Variants in ZNF219 observed in about 807,000 individuals in gnomAD.
ZNF219 encodes zinc finger protein 219.
ZNF219 carries 17 observed loss-of-function variants against 54.4 expected under a neutral mutation model. That is an observed-to-expected ratio of 0.31 (90% CI 0.21 to 0.47). The LOEUF (loss-of-function observed/expected upper bound fraction) is 0.47, where lower values mean the gene tolerates loss of function less well. ZNF219 is among the 20% of genes least tolerant of loss of function. ZNF219 has a pLI of 1.00. For missense variants in ZNF219, 1,014 were observed against 1,062.3 expected (o/e 0.95, Z 0.63); for synonymous variants, 518 against 476.4 (o/e 1.09, Z -1.14).
Position 21,092,232 on chromosome 14 carries a change from C to T in ZNF219, c.1065G>A (p.Glu355=). The part of the protein sequence containing the change: ...QPPDLGLLAY[E]PLGPALLLAP... The stretch of plus-strand genomic sequence containing the variant: ...CCAAGAGGAGCGCTGGGCCCAACGG[C>T]TCATAGGCCAGCAGGCCGAGGTCAG... The change falls in exon 3 of 5, where the codon GAG becomes GAA. Residue 355 remains glutamate (E), a synonymous_variant. Transcript: ENST00000360947. 1 of 1,453,310 alleles carries T rather than the reference C, an allele frequency of 6.9e-7. No homozygotes were observed. Among genetic ancestry groups the T allele is most frequent in the Non-Finnish European group, 9.0e-7 (1 of 1,108,174 alleles). 90.0% of individuals were successfully genotyped at this position (1,453,310 alleles called of 1,614,324 possible).
chr14:21,103,919 G>A (rs1445434547), upstream of ZNF219: 4 of 152,414 alleles, frequency 2.6e-5, no homozygotes, highest in African/African-American at 9.6e-5. Flanking sequence ...CAGCTTCAGA[G>A]ACTGGCGAGG....
rs564789236 is a variant in ZNF219, at chr14:21,091,042, C to T, written c.1663G>A (p.Gly555Arg). ...LQRHHREQRSGAGPGPPPEPP... is the reference protein window; with the variant it reads ...LQRHHREQRSRAGPGPPPEPP... The stretch of plus-strand genomic sequence containing the variant: ...TCCGGGGGTGGCCCGGGGCCGGCCC[C>T]GCTCCTCTGCTCCCGGTGGTGGCGC... Residue 555 changes from glycine (G) to arginine (R), a missense_variant, in exon 5 of 5, where the codon GGG becomes AGG. Physicochemically the swap from Gly to Arg is moderately radical, Grantham distance 125 (BLOSUM62 -2). Transcript: ENST00000360947. 3 of 1,556,576 alleles carry T rather than the reference C, an allele frequency of 1.9e-6. No homozygotes were observed. The highest frequency in any genetic ancestry group is 1.4e-5 in the African/African-American group (1 of 73,894).
chr14:21,100,961 G>T, upstream of ZNF219: 1 of 170,674 alleles, frequency 5.9e-6, no homozygotes, highest in South Asian at 1.3e-4. Context: ...GGAACAGAGT[G>T]AGGTCGGGCT....
chr14:21,097,894 G>T (rs978471103), intron 1 of ZNF219, among the ~76,000 whole-genome samples: 1 of 146,446 alleles, frequency 6.8e-6, no homozygotes, highest in Admixed American at 6.9e-5. Context: ...TACCTGGGCC[G>T]GGGGTTGGGG....
rs887241069 is a variant in ZNF219, at chr14:21,091,995, C to T, written c.1302G>A (p.Glu434=). ...EEPEEEEEVV[E]AEEETWARGR... is the part of the protein sequence containing the mutation. ...CCCGGGCCCAGGTTTCCTCCTCGGC[C>T]TCCACCACCTCCTCTTCTTCCTCAG... is the stretch of plus-strand genomic sequence containing the variant. Residue 434 remains glutamate, a synonymous_variant, in exon 3 of 5, where the codon GAG becomes GAA. Transcript: ENST00000360947. 3.8e-6 allele frequency: 6 copies of T among 1,559,452 alleles called. No individual in the cohort carries two copies. The South Asian group carries it at 4.7e-5, about 12-fold the overall frequency.
At chr14:21,094,978 C>T (rs1217245910) in intron 1 of ZNF219, among the ~76,000 whole-genome samples, 1 of 146,018 alleles carries the variant, frequency 6.8e-6, no homozygotes, top group African/African-American at 2.5e-5. Flanking sequence ...ATAGGCATCA[C>T]AAAACTGAAA....
chr14:21,098,081 C>A lies in ZNF219; in HGVS notation c.-84+231G>T, dbSNP rs943544245. Among the ~76,000 whole-genome samples the A allele has an allele frequency of 2.1e-4, 31 of 148,272 alleles. No homozygotes were observed. The South Asian group carries it at 6.7e-3, about 32-fold the overall frequency. ...CCACCTGGCCCCCCCTCCCTTGGGG[C>A]CCCCCAGCTCTCCAGGCTTCCGAGG... On this transcript the variant is annotated intron_variant, in intron 1 of 4. Transcript: ENST00000360947.
Position 21,090,846 on chromosome 14 carries a change from C to T in ZNF219, c.1859G>A (p.Arg620Gln), listed in dbSNP as rs1263238673. ...GTCCAGGGGTTCGGCCTCACCGCCT[C>T]GCCCGTTGCGCAGGGTCCTCCCAGG... ...ASPGRTLRNGRGGEAEPLDLS... is the reference protein window; with the variant it reads ...ASPGRTLRNGQGGEAEPLDLS... Residue 620 changes from arginine (R) to glutamine (Q), a missense_variant, in exon 5 of 5, where the codon CGA becomes CAA. Coordinates refer to ENST00000360947, the MANE Select transcript of ZNF219 (RefSeq NM_016423.3). The surrounding 1 kb of genome is among the most constrained non-coding windows in gnomAD (Gnocchi z 4.4). 1 of 1,554,660 alleles carries T rather than the reference C, an allele frequency of 6.4e-7. No individual in the cohort carries two copies. The highest frequency in any genetic ancestry group is 2.4e-5 in the East Asian group (1 of 41,600).
Position 21,090,780 on chromosome 14 carries a change from C to T in ZNF219, c.1925G>A (p.Gly642Glu). ...RAGPGGEAGP[G>E]GALHRCLFCP... ...GAAGAGGCAGCGGTGGAGGGCACCC[C>T]CAGGCCCGGCCTCGCCTCCCGGCCC... Residue 642 changes from glycine to glutamate, a missense_variant, in exon 5 of 5, where the codon GGG (glycine) becomes GAG (glutamate). Transcript: ENST00000360947. The surrounding 1 kb of genome is among the most constrained non-coding windows in gnomAD (Gnocchi z 4.4). 2 of 1,593,980 alleles carry T rather than the reference C, an allele frequency of 1.3e-6. No homozygotes were observed. The highest frequency in any genetic ancestry group is 1.7e-6 in the Non-Finnish European group (2 of 1,171,086).
At chr14:21,102,332 C>G (rs1425570175), upstream of ZNF219, 22 of 1,516,274 alleles carry the variant, frequency 1.5e-5, no homozygotes, top group Non-Finnish European at 1.6e-5. Flanking sequence ...TTGTCTTCAG[C>G]TAGGCTGCAA....
chr14:21,096,649 T>C (rs968050757), intron 1 of ZNF219, among the ~76,000 whole-genome samples: 15 of 152,218 alleles, frequency 9.9e-5, no homozygotes, highest in Admixed American at 7.2e-4. Flanking sequence ...CTTATTTGGA[T>C]TCTATAAGGA....
At chr14:21,102,706 C>A (rs1386144518), upstream of ZNF219, 2 of 1,551,436 alleles carry the variant, frequency 1.3e-6, no homozygotes, top group Non-Finnish European at 1.7e-6. Flanking sequence ...TCAGTGCACG[C>A]CCTATTCTTG....
upstream of ZNF219, chr14:21,101,571 T>G: frequency 1.1e-6 from 1 of 942,806 alleles, no homozygotes; most frequent in African/African-American, 1.7e-5. Flanking sequence ...TGAGCTAGGT[T>G]CTGAATGGGA....
At chr14:21,102,837 C>A (rs1265013804), upstream of ZNF219, 1 of 1,526,198 alleles carries the variant, frequency 6.6e-7, no homozygotes, top group Non-Finnish European at 8.8e-7. Context: ...TTTCCACTGC[C>A]TATCCTGGTC....
In ZNF219 at chr14:21,098,655, C is replaced by A; in HGVS notation, c.-427G>T. ...GGGCGGGGTGCGGGCGGTTTGGAGA[C>A]GGGGGGCGCTGTCGGAGGGAGGGAG... On this transcript the variant is annotated 5_prime_UTR_variant, in exon 1 of 5. Transcript: ENST00000360947. The A allele has an allele frequency of 1.1e-6, 1 of 913,804 alleles. No individual in the cohort carries two copies. The highest frequency in any genetic ancestry group is 1.3e-6 in the Non-Finnish European group (1 of 756,228). 56.6% of individuals were successfully genotyped at this position (913,804 alleles called of 1,614,324 possible). A position where few individuals can be genotyped will look rare whatever the true frequency, so the allele number is the denominator to read the frequency against.
At chr14:21,098,720 A>T, upstream of ZNF219, 1 of 1,171,466 alleles carries the variant, frequency 8.5e-7, no homozygotes, top group Non-Finnish European at 1.1e-6. Flanking sequence ...GAGGATTCCA[A>T]CAGGAGACTG....
upstream of ZNF219, chr14:21,103,124 G>C: frequency 6.4e-7 from 1 of 1,551,700 alleles, no homozygotes; most frequent in Admixed American, 2.0e-5. Flanking sequence ...GCTCACACCT[G>C]TCTCTGGTTT....
intron 3 of ZNF219, 45 bp from the exon 4 acceptor site, chr14:21,091,587 G>T (rs1159765177): frequency 3.2e-6 from 5 of 1,567,982 alleles, no homozygotes; most frequent in Non-Finnish European, 4.4e-6. Flanking sequence ...CCCACACCCT[G>T]TCCAGGTGCC....
chr14:21,093,180 C>CT lies in ZNF219; in HGVS notation c.116_117insA (p.Leu40AlafsTer10). The CT allele has an allele frequency of 6.2e-7, 1 of 1,609,208 alleles. No individual in the cohort carries two copies. The highest frequency in any genetic ancestry group is 8.5e-7 in the Non-Finnish European group (1 of 1,179,308). Reference sequence around the variant, plus strand: ...ACCAGCTCACCGCTCCCATCCCGAGCGACCCTGCGCTCACGGCTGGCCCGT... The same window carrying CT: ...ACCAGCTCACCGCTCCCATCCCGAGCTGACCCTGCGCTCACGGCTGGCCCGT... On this transcript the variant is annotated frameshift_variant, in exon 3 of 5. Coordinates refer to ENST00000360947, the MANE Select transcript of ZNF219 (RefSeq NM_016423.3). LOFTEE classifies it high-confidence loss of function.
Sources: gnomAD v4.1 joint callset for allele counts (sites outside exome capture counted in the v4.1 genomes callset) on GRCh38, gnomAD v4.1.1 for gene constraint, Gnocchi (gnomAD v3.1) non-coding constraint, MANE v1.5 for transcripts, NCBI Gene and HGNC (gene_info 2026-07-23, HGNC 2026-07-21) for gene names.